The following CREB5 variants were observed in gnomAD, a reference collection of about 807,000 sequenced individuals.
The protein encoded by CREB5 is cyclic AMP-responsive element-binding protein 5.
CREB5 carries 19 observed loss-of-function variants against 57.1 expected under a neutral mutation model. That is an observed-to-expected ratio of 0.33 (90% CI 0.23 to 0.49). CREB5 has a LOEUF of 0.49. CREB5 is among the 20% of genes least tolerant of loss of function. The pLI is 0.99. For missense variants in CREB5, 579 were observed against 671.6 expected (o/e 0.86, Z 1.52); for synonymous variants, 238 against 238.3 (o/e 1.00, Z 0.01).
chr7:28,803,968 A>C (rs534781148), intron 7 of CREB5, among the ~76,000 whole-genome samples: 36 of 152,234 alleles, frequency 2.4e-4, no homozygotes, highest in African/African-American at 7.9e-4. Context: ...TGACAGTTGA[A>C]TTAACCTATT....
intron 1 of CREB5, among the ~76,000 whole-genome samples, chr7:28,378,451 C>CT (rs958225879): frequency 6.6e-6 from 1 of 152,014 alleles, no homozygotes; most frequent in Non-Finnish European, 1.5e-5. Flanking sequence ...AAAAAAAACT[C>CT]TTTTTAATTT....
intron 7 of CREB5, among the ~76,000 whole-genome samples, chr7:28,760,341 T>C (rs1402432155): frequency 6.6e-6 from 1 of 152,208 alleles, no homozygotes; most frequent in African/African-American, 2.4e-5. Context: ...CAAATTATTC[T>C]ACAGTTCTGA....
chr7:28,546,361 A>C (rs1371805497), intron 4 of CREB5, among the ~76,000 whole-genome samples: 1 of 152,196 alleles, frequency 6.6e-6, no homozygotes, highest in Admixed American at 6.5e-5. Context: ...ATCTGTGTAC[A>C]CATTTTTGTA....
chr7:28,555,109 T>TTGTGTGTGTG (rs58647223), intron 4 of CREB5, among the ~76,000 whole-genome samples: 2,382 of 148,882 alleles, frequency 0.016, 49 homozygotes, highest in African/African-American at 0.049. Flanking sequence ...ATAAGCTGCA[T>TTGTGTGTGTG]TGTGTGTGTG....
At chr7:28,795,490 GC>G (rs1160649251) in intron 7 of CREB5, among the ~76,000 whole-genome samples, 1 of 152,178 alleles carries the variant, frequency 6.6e-6, no homozygotes, top group Non-Finnish European at 1.5e-5. Context: ...TGGCAGAGGA[GC>G]CAAATTCTCT....
At position 28,488,843 on chromosome 7, in the gene CREB5, C is replaced by T. The variant is rs77387899; in HGVS notation, c.75+597C>T. 7.3e-3 allele frequency among the ~76,000 whole-genome samples: 1,107 copies of T among 152,316 alleles called. 43 individuals carry two copies. The highest frequency in any genetic ancestry group is 0.059 in the Admixed American group (905 of 15,304). On this transcript the variant is annotated intron_variant, in intron 2 of 10. Coordinates refer to ENST00000357727, the MANE Select transcript of CREB5 (RefSeq NM_182898.4). ...ATTAGTGTGGGAATTCGAAGAGATA[C>T]TGCTGGTAGAGTGTTTAACATAGGG...
chr7:28,394,033 T>C (rs973436975), intron 1 of CREB5, among the ~76,000 whole-genome samples: 4 of 121,168 alleles, frequency 3.3e-5, no homozygotes, highest in Non-Finnish European at 6.3e-5. Flanking sequence ...ATCATGCCAC[T>C]GCACTCTAGC....
intron 4 of CREB5, among the ~76,000 whole-genome samples, chr7:28,540,479 A>G (rs1794161751): frequency 6.6e-6 from 1 of 152,150 alleles, no homozygotes; most frequent in African/African-American, 2.4e-5. Flanking sequence ...CAGTAGTCTG[A>G]GGCTGCACAA....
At chr7:28,328,052 G>A (rs771253531) in intron 1 of CREB5, among the ~76,000 whole-genome samples, 8 of 152,082 alleles carry the variant, frequency 5.3e-5, no homozygotes, top group Non-Finnish European at 8.8e-5. Flanking sequence ...CAAGCCTGCT[G>A]TTTAAATAGC....
chr7:28,809,317 G>A lies in CREB5; in HGVS notation c.1157G>A (p.Arg386Gln). The change falls in exon 9 of 11, where the codon CGG becomes CAG. Residue 386 changes from arginine (R) to glutamine (Q), a missense_variant. Transcript: ENST00000357727. ...CGGCGGAAATTTCTGGAACGGAACC[G>A]GGCAGCTGCCACCCGCTGCAGACAG... ...ERRRKFLERN[R>Q]AAATRCRQKR... 6.2e-7 allele frequency: 1 copy of A among 1,614,136 alleles called. No homozygotes were observed. Among genetic ancestry groups the A allele is most frequent in the Non-Finnish European group, 8.5e-7 (1 of 1,180,018 alleles).
intron 4 of CREB5, among the ~76,000 whole-genome samples, chr7:28,560,512 A>G (rs1795041178): frequency 6.6e-6 from 1 of 152,022 alleles, no homozygotes; most frequent in Non-Finnish European, 1.5e-5. Flanking sequence ...GTGTTCTGGG[A>G]GGGACTAAAA....
chr7:28,409,977 C>T (rs1787703384), upstream of CREB5: 1 of 454,444 alleles, frequency 2.2e-6, no homozygotes, highest in Non-Finnish European at 4.4e-6. This position sits in a 1 kb window ranked among gnomAD's most constrained non-coding sequence, Gnocchi z 4.4. Flanking sequence ...CCCCCGCGTC[C>T]CCAGCTTCCC....
chr7:28,678,447 T>A (rs139455557), intron 5 of CREB5, among the ~76,000 whole-genome samples: 1 of 152,250 alleles, frequency 6.6e-6, no homozygotes, highest in Non-Finnish European at 1.5e-5. Context: ...TATTTATAAA[T>A]CATATAGTAC....
At chr7:28,796,441 C>T (rs1363109806) in intron 7 of CREB5, among the ~76,000 whole-genome samples, 1 of 152,128 alleles carries the variant, frequency 6.6e-6, no homozygotes, top group African/African-American at 2.4e-5. Flanking sequence ...TTCACCCCTA[C>T]CCACCCACTC....
At chr7:28,413,295 G>C (rs1001596849) in intron 1 of CREB5, among the ~76,000 whole-genome samples, 1 of 151,586 alleles carries the variant, frequency 6.6e-6, no homozygotes, top group Non-Finnish European at 1.5e-5. Flanking sequence ...TCTTGAAAAA[G>C]AAACCTAAAA....
chr7:28,412,732 A>T lies in CREB5; in HGVS notation c.-183A>T, dbSNP rs1787855834. 6.7e-6 allele frequency: 3 copies of T among 447,342 alleles called. No individual in the cohort carries two copies. The highest frequency in any genetic ancestry group is 3.8e-6 in the Non-Finnish European group (1 of 260,860). 27.7% of individuals were successfully genotyped at this position (447,342 alleles called of 1,614,324 possible). A position where few individuals can be genotyped will look rare whatever the true frequency, so the allele number is the denominator to read the frequency against. On this transcript the variant is annotated 5_prime_UTR_variant, in exon 1 of 11. Transcript: ENST00000357727. ...TGCAGAAGTAATTGTAAAATACCAGACCTGTTCTTTTTACTAAAAGCTAGT... is the reference window on the plus strand; with the variant it reads ...TGCAGAAGTAATTGTAAAATACCAGTCCTGTTCTTTTTACTAAAAGCTAGT...
intron 4 of CREB5, among the ~76,000 whole-genome samples, chr7:28,527,549 G>A (rs1476690540): frequency 1.3e-5 from 2 of 152,182 alleles, no homozygotes; most frequent in African/African-American, 4.8e-5. Context: ...AGGTGCAGTG[G>A]TTCTTGCCTG....
intron 3 of CREB5, among the ~76,000 whole-genome samples, chr7:28,500,338 G>A (rs1408554759): frequency 6.6e-6 from 1 of 152,158 alleles, no homozygotes; most frequent in Non-Finnish European, 1.5e-5. Flanking sequence ...TGGATGTGGT[G>A]GGACTGGATG....
chr7:28,491,318 C>T (rs931126746), intron 2 of CREB5: 1 of 922,182 alleles, frequency 1.1e-6, no homozygotes, highest in Non-Finnish European at 1.3e-6. Flanking sequence ...TGTAGACAAA[C>T]CTGGGGAGGA....
Sources: allele counts gnomAD v4.1 joint callset (sites outside exome capture counted in the v4.1 genomes callset), GRCh38; gene constraint gnomAD v4.1.1; non-coding constraint Gnocchi (gnomAD v3.1); transcripts MANE v1.5; gene names NCBI Gene and HGNC (gene_info 2026-07-23, HGNC 2026-07-21).